Variants in FNDC3A observed in about 807,000 individuals in gnomAD.
FNDC3A encodes fibronectin type III domain containing 3A.
Under a neutral mutation model 148.9 loss-of-function variants are expected in FNDC3A, and 32 were observed. The ratio of observed to expected loss-of-function variants is 0.21; its 90% CI spans 0.16 to 0.29. The LOEUF is 0.29. FNDC3A is among the 10% of genes least tolerant of loss of function. The pLI is 1.00. For missense variants in FNDC3A, 1,191 were observed against 1,452.8 expected, an observed-to-expected ratio of 0.82 and a Z score of 2.93; for synonymous variants, 472 against 473.6, an observed-to-expected ratio of 1.00 and a Z score of 0.04.
intron 3 of FNDC3A, among the ~76,000 whole-genome samples, chr13:49,094,831 G>T (rs1879422777): frequency 6.6e-6 from 1 of 151,922 alleles, no homozygotes; most frequent in South Asian, 2.1e-4. Context: ...AAAAATGGAA[G>T]ATTAAAAAGT....
chr13:49,077,948 G>A (rs1205375884), intron 3 of FNDC3A, among the ~76,000 whole-genome samples: 1 of 152,188 alleles, frequency 6.6e-6, no homozygotes, highest in Non-Finnish European at 1.5e-5. Flanking sequence ...TTACTTGCCA[G>A]TTAAGTTTTT....
At chr13:49,110,498 G>T (rs2137864001) in intron 3 of FNDC3A, 2 of 864,140 alleles carry the variant, frequency 2.3e-6, no homozygotes, top group East Asian at 4.9e-5. Flanking sequence ...TTTAAAAATA[G>T]ATGCTAAATA....
Position 49,207,184 on chromosome 13 carries a change from G to T in FNDC3A, c.3386G>T (p.Gly1129Val). 1 of 1,614,144 alleles carries T rather than the reference G, an allele frequency of 6.2e-7. No individual in the cohort carries two copies. Among genetic ancestry groups the T allele is most frequent in the South Asian group, 1.1e-5 (1 of 91,082 alleles). The change falls in exon 26 of 26, where the codon GGA becomes GTA. Residue 1129 changes from glycine (G) to valine (V), a missense_variant. This residue lies in a region of FNDC3A where 751 missense variants were observed against 944.0 expected (regional missense o/e 0.80). Coordinates refer to ENST00000492622, the MANE Select transcript of FNDC3A (RefSeq NM_001079673.2). ...ATTCGCCAGTGCCAAGACTCTCTGG[G>T]ACACCAGGACCTCGTAGGTCCCTAC... Reference protein sequence around the residue: ...CAIRQCQDSLGHQDLVGPYST... With the variant: ...CAIRQCQDSLVHQDLVGPYST...
At chr13:48,978,701 A>G (rs1008944636) in intron 1 of FNDC3A, among the ~76,000 whole-genome samples, 7 of 151,754 alleles carry the variant, frequency 4.6e-5, no homozygotes, top group African/African-American at 1.7e-4. Context: ...TGCCTAGCGG[A>G]CTTCAAATAA....
intron 2 of FNDC3A, among the ~76,000 whole-genome samples, chr13:49,067,873 T>TC (rs1877370665): frequency 6.6e-6 from 1 of 152,068 alleles, no homozygotes; most frequent in African/African-American, 2.4e-5. Flanking sequence ...TCAAGTAACA[T>TC]CCTACAGTAA....
At chr13:49,205,287 C>T (rs1886597165) in intron 25 of FNDC3A, among the ~76,000 whole-genome samples, 2 of 152,094 alleles carry the variant, frequency 1.3e-5, no homozygotes, top group African/African-American at 4.8e-5. Context: ...TATATGAAGA[C>T]ACATGGAAAG....
intron 3 of FNDC3A, among the ~76,000 whole-genome samples, chr13:49,075,933 T>C (rs1878078942): frequency 6.6e-6 from 1 of 151,930 alleles, no homozygotes; most frequent in Non-Finnish European, 1.5e-5. Context: ...TGTTGACTTT[T>C]GGGTCAGGCA....
chr13:49,053,964 G>T (rs1763987830), intron 2 of FNDC3A, among the ~76,000 whole-genome samples: 1 of 152,194 alleles, frequency 6.6e-6, no homozygotes. Flanking sequence ...CTGCTGTCAT[G>T]TGATGCTACA....
intron 2 of FNDC3A, among the ~76,000 whole-genome samples, chr13:49,069,905 AG>A (rs1343471837): frequency 6.6e-6 from 1 of 152,248 alleles, no homozygotes; most frequent in Non-Finnish European, 1.5e-5. Context: ...TATAAGCAAA[AG>A]AAAGTATCCT....
chr13:49,157,780 G>C lies in FNDC3A; in HGVS notation c.978-9464G>C, dbSNP rs1457191328. On this transcript the variant is annotated intron_variant, in intron 8 of 25. Coordinates refer to ENST00000492622, the MANE Select transcript of FNDC3A (RefSeq NM_001079673.2). ...TGCAGGTCTGTTGGAATACCCTGCC[G>C]TGTGAGGTGTCAGTGTGCCCCTGCT... 4.4e-3 allele frequency among the ~76,000 whole-genome samples: 547 copies of C among 125,098 alleles called. 3 individuals are homozygous for C. The highest frequency in any genetic ancestry group is 0.016 in the African/African-American group (494 of 31,834). 82.1% of individuals were successfully genotyped at this position (125,098 alleles called of 152,430 possible). A position where few individuals can be genotyped will look rare whatever the true frequency, so the allele number is the denominator to read the frequency against.
At chr13:49,088,555 T>G (rs564328731) in intron 3 of FNDC3A, among the ~76,000 whole-genome samples, 1 of 152,352 alleles carries the variant, frequency 6.6e-6, no homozygotes, top group East Asian at 1.9e-4. Flanking sequence ...TCACTTCTCA[T>G]CATACTTGAC....
chr13:49,187,675 C>G, intron 16 of FNDC3A: 1 of 1,580,654 alleles, frequency 6.3e-7, no homozygotes, highest in Non-Finnish European at 8.7e-7. Flanking sequence ...CAACGTAGCG[C>G]TGCTGGAAGC....
At chr13:49,089,372 G>T (rs1332057758) in intron 3 of FNDC3A, among the ~76,000 whole-genome samples, 1 of 152,168 alleles carries the variant, frequency 6.6e-6, no homozygotes, top group Non-Finnish European at 1.5e-5. Context: ...CCAGGACAAT[G>T]AATATGATGA....
chr13:49,165,179 G>C (rs1198098399), intron 8 of FNDC3A, among the ~76,000 whole-genome samples: 1 of 152,012 alleles, frequency 6.6e-6, no homozygotes, highest in East Asian at 1.9e-4. Context: ...TTTTGTTTTT[G>C]ATTGGAATCT....
At chr13:49,130,720 C>G (rs1317301712) in intron 4 of FNDC3A, among the ~76,000 whole-genome samples, 1 of 152,108 alleles carries the variant, frequency 6.6e-6, no homozygotes, top group East Asian at 1.9e-4. Flanking sequence ...TGTTGATTCT[C>G]CAAATTTTTA....
rs1884975823 is a variant in FNDC3A, at chr13:49,175,353, A to G, written c.1356-14A>G. The G allele has an allele frequency of 4.6e-6, 7 of 1,536,096 alleles. No individual in the cohort carries two copies. The highest frequency in any genetic ancestry group is 3.8e-5 in the South Asian group (3 of 79,572). The stretch of plus-strand genomic sequence containing the variant: ...TAACTTTTTCATGCCTTTTAAAACC[A>G]TTTGTTTCAACAGTGGTTTTAGTGA... On this transcript the variant is annotated splice_polypyrimidine_tract_variant and intron_variant, in intron 12 of 25. Transcript: ENST00000492622.
chr13:49,029,204 T>C (rs1220325045), intron 2 of FNDC3A, among the ~76,000 whole-genome samples: 1 of 151,974 alleles, frequency 6.6e-6, no homozygotes, highest in Non-Finnish European at 1.5e-5. Context: ...TTTAAAGAGA[T>C]AGAAATAATA....
chr13:49,170,559 A>G (rs957800237), intron 10 of FNDC3A, among the ~76,000 whole-genome samples: 1 of 152,182 alleles, frequency 6.6e-6, no homozygotes, highest in Non-Finnish European at 1.5e-5. Flanking sequence ...CCCAAGGCAG[A>G]CTATCTACTT....
At chr13:49,129,182 A>G (rs1239415691) in intron 4 of FNDC3A, among the ~76,000 whole-genome samples, 2 of 152,240 alleles carry the variant, frequency 1.3e-5, no homozygotes, top group Non-Finnish European at 2.9e-5. Flanking sequence ...GTAAAGTTAG[A>G]GCTAGAATTG....
Sources: allele counts gnomAD v4.1 joint callset (sites outside exome capture counted in the v4.1 genomes callset), GRCh38; gene constraint gnomAD v4.1.1; regional missense constraint gnomAD v4.1.1; transcripts MANE v1.5; gene names NCBI Gene and HGNC (gene_info 2026-07-23, HGNC 2026-07-21).